CREB1: variants seen among roughly 807,000 people sequenced by gnomAD.
The protein encoded by CREB1 is cyclic AMP-responsive element-binding protein 1.
CREB1 carries 2 observed loss-of-function variants against 42.0 expected under a neutral mutation model. The ratio of observed to expected loss-of-function variants is 0.05; its 90% confidence interval spans 0.02 to 0.15. The LOEUF is 0.15. CREB1 is among the 10% of genes least tolerant of loss of function. The pLI, the probability that CREB1 is intolerant of heterozygous loss-of-function variation, is 1.00. For missense variants in CREB1, 199 were observed against 388.9 expected (o/e 0.51, Z 4.11); for synonymous variants, 123 against 139.9 (o/e 0.88, Z 0.85).
chr2:207,575,144 C>G (rs1227280196), intron 5 of CREB1, 128 bp from the exon 6 acceptor site: 3 of 908,590 alleles, frequency 3.3e-6, no homozygotes, highest in African/African-American at 1.7e-5. Context: ...TATATTAGAC[C>G]CTTCTTGGTG....
chr2:207,546,049 T>G (rs1405984552), intron 1 of CREB1, among the ~76,000 whole-genome samples: 1 of 152,216 alleles, frequency 6.6e-6, no homozygotes, highest in Non-Finnish European at 1.5e-5. Flanking sequence ...ATATTTTTCT[T>G]TAACTGAGGA....
chr2:207,573,868 A>G (rs141373566), intron 5 of CREB1, among the ~76,000 whole-genome samples: 1 of 152,378 alleles, frequency 6.6e-6, no homozygotes, highest in African/African-American at 2.4e-5. Context: ...AGAAAGTGGT[A>G]TGTTAAATAC....
intron 5 of CREB1, among the ~76,000 whole-genome samples, chr2:207,574,792 C>T (rs576688453): frequency 1.3e-5 from 2 of 152,270 alleles, no homozygotes; most frequent in South Asian, 4.1e-4. Flanking sequence ...CACTGATGAA[C>T]TGCTTTATTA....
At chr2:207,582,890 C>CA (rs1415517554) in intron 7 of CREB1, 16 of 286,796 alleles carry the variant, frequency 5.6e-5, no homozygotes, top group Non-Finnish European at 8.2e-5. Context: ...GACTCTGTCT[C>CA]AAAAAAACAA....
chr2:207,538,077 C>G (rs2080947815), intron 1 of CREB1, among the ~76,000 whole-genome samples: 1 of 152,126 alleles, frequency 6.6e-6, no homozygotes, highest in African/African-American at 2.4e-5. Context: ...TGACTGTGAA[C>G]TGTTACATGA....
At chr2:207,545,703 T>C (rs1574787008) in intron 1 of CREB1, among the ~76,000 whole-genome samples, 1 of 151,860 alleles carries the variant, frequency 6.6e-6, no homozygotes, top group South Asian at 2.1e-4. Flanking sequence ...AATTTCTCTT[T>C]AGAGTTGTAC....
intron 1 of CREB1, chr2:207,534,587 T>C (rs1319302113): frequency 6.6e-6 from 1 of 152,234 alleles, no homozygotes; most frequent in East Asian, 1.9e-4. Context: ...TACGCTGTCT[T>C]ATCTCTACCC....
rs1403895648 is a variant in CREB1, at chr2:207,570,044, A to C, written c.363-135A>C. On this transcript the variant is annotated intron_variant, in intron 4 of 7. Transcript: ENST00000353267. ...CGACAGAGCAAGACTCCATCTCAAA[A>C]AAAAAAAAAAAAAAAAAACCTTCTG... The C allele has an allele frequency of 7.0e-5, 36 of 517,668 alleles. No individual in the cohort carries two copies. The East Asian group carries it at 1.4e-3, about 21-fold the overall frequency. The allele number at this position is 517,668 out of a possible 1,614,324, so 32.1% of individuals were successfully genotyped here.
rs11356093 is a variant in CREB1 at position 207,545,731 on chromosome 2, CTT to C, written c.-8-9881_-8-9880del. Among the ~76,000 whole-genome samples, 921 of 136,860 alleles carry C rather than the reference CTT, an allele frequency of 6.7e-3. 8 individuals are homozygous for C. Among genetic ancestry groups the C allele is most frequent in the East Asian group, 0.029 (137 of 4,652 alleles). The allele number at this position is 136,860 out of a possible 152,430, so 89.8% of individuals were successfully genotyped here. A position where few individuals can be genotyped will look rare whatever the true frequency, so the allele number is the denominator to read the frequency against. The stretch of plus-strand genomic sequence containing the variant: ...AGTTGTACAGATTAAAGGAAGTGAA[CTT>C]TTTTTTTTTTTTTTTGTGAGATGGA... On this transcript the variant is annotated intron_variant, in intron 1 of 7. Coordinates refer to ENST00000353267, the MANE Select transcript of CREB1 (RefSeq NM_004379.5).
intron 7 of CREB1, chr2:207,582,037 C>T: frequency 2.9e-6 from 2 of 699,340 alleles, no homozygotes; most frequent in Admixed American, 2.0e-5. Context: ...GGAGCACATA[C>T]ATAATTGGCG....
At chr2:207,593,200 A>G (rs1002917186) in intron 7 of CREB1, among the ~76,000 whole-genome samples, 2 of 152,070 alleles carry the variant, frequency 1.3e-5, no homozygotes, top group Admixed American at 6.6e-5. Context: ...CACCATTCCT[A>G]TTAGAGCCTT....
intron 1 of CREB1, among the ~76,000 whole-genome samples, chr2:207,544,556 T>G (rs1487447948): frequency 6.6e-6 from 1 of 152,194 alleles, no homozygotes; most frequent in Non-Finnish European, 1.5e-5. Context: ...AGGTTCTTTT[T>G]TATTTCCACC....
At chr2:207,555,306 CTG>C (rs1209474102) in intron 1 of CREB1, among the ~76,000 whole-genome samples, 3 of 152,204 alleles carry the variant, frequency 2.0e-5, no homozygotes, top group Non-Finnish European at 4.4e-5. Flanking sequence ...TTTGCTACCA[CTG>C]CACCTCTCCT....
rs1442353660 is a variant in CREB1, at chr2:207,603,437, GTC to G, written c.*6383_*6384del. 4.4e-6 allele frequency: 1 copy of G among 224,930 alleles called. No individual in the cohort carries two copies. The highest frequency in any genetic ancestry group is 5.7e-5 in the Admixed American group (1 of 17,508). 13.9% of individuals were successfully genotyped at this position (224,930 alleles called of 1,614,324 possible). ...AAACATGCTTTTAAAAACTCTGTAA[GTC>G]TCTTTTTTGGGGATGGGATCTCTAT... On this transcript the variant is annotated 3_prime_UTR_variant, in exon 8 of 8. Coordinates refer to ENST00000353267, the MANE Select transcript of CREB1 (RefSeq NM_004379.5).
Position 207,597,165 on chromosome 2 carries a change from G to A in CREB1, c.*107G>A. The stretch of plus-strand genomic sequence containing the variant: ...TTTCTAAACATTTCTTTTTTTCTAT[G>A]CGCAAAACTGCCTGAAAGCAACTAC... On this transcript the variant is annotated 3_prime_UTR_variant, in exon 8 of 8. Transcript: ENST00000353267. 1 of 1,226,534 alleles carries A rather than the reference G, an allele frequency of 8.2e-7. No individual in the cohort carries two copies. The highest frequency in any genetic ancestry group is 1.1e-6 in the Non-Finnish European group (1 of 911,636). 76.0% of individuals were successfully genotyped at this position (1,226,534 alleles called of 1,614,324 possible). A position where few individuals can be genotyped will look rare whatever the true frequency, so the allele number is the denominator to read the frequency against.
intron 3 of CREB1, among the ~76,000 whole-genome samples, chr2:207,565,795 A>G (rs1003939492): frequency 4.6e-5 from 7 of 152,186 alleles, no homozygotes; most frequent in South Asian, 2.1e-4. Flanking sequence ...CACTTGTCAC[A>G]GTACTATCAA....
intron 1 of CREB1, among the ~76,000 whole-genome samples, chr2:207,545,551 T>C (rs2081270367): frequency 6.6e-6 from 1 of 152,074 alleles, no homozygotes; most frequent in South Asian, 2.1e-4. Flanking sequence ...TATAGTCCCA[T>C]AGTATGGGAC....
rs192966568 is a variant in CREB1, at chr2:207,580,065, A to G, written c.839+2410A>G. Among the ~76,000 whole-genome samples, 69 of 152,282 alleles carry G rather than the reference A, an allele frequency of 4.5e-4. 2 individuals carry two copies. Among genetic ancestry groups the G allele is most frequent in the African/African-American group, 1.4e-3 (60 of 41,552 alleles). On this transcript the variant is annotated intron_variant, in intron 7 of 7. Coordinates refer to ENST00000353267, the MANE Select transcript of CREB1 (RefSeq NM_004379.5). ...GGCTTTGACCTTTCTGCCGAGTGCT[A>G]TTTATTAAGCTCCAGTATATATTAT...
chr2:207,548,028 G>A (rs576101026), intron 1 of CREB1, among the ~76,000 whole-genome samples: 1 of 151,874 alleles, frequency 6.6e-6, no homozygotes, highest in East Asian at 1.9e-4. Context: ...CCCACCTCCC[G>A]GGTACAGCAT....
Sources: gnomAD v4.1 joint callset for allele counts (sites outside exome capture counted in the v4.1 genomes callset) on GRCh38, gnomAD v4.1.1 for gene constraint, MANE v1.5 for transcripts, NCBI Gene and HGNC (gene_info 2026-07-23, HGNC 2026-07-21) for gene names.